CNOT6L: variants seen among roughly 807,000 people sequenced by gnomAD.
CNOT6L encodes CCR4-NOT transcription complex subunit 6-like.
A neutral mutation model predicts 64.0 loss-of-function variants in CNOT6L; 7 were observed. That is an observed-to-expected ratio of 0.11 (90% confidence interval 0.06 to 0.21). The LOEUF is 0.21. Ranked by LOEUF, CNOT6L falls within the 10% of genes least tolerant of loss-of-function variation. The pLI is 1.00. For synonymous variants in CNOT6L, 193 were observed against 243.4 expected (o/e 0.79, Z 1.93); for missense variants, 245 against 669.0 (o/e 0.37, Z 6.99).
At chr4:77,749,799 G>A (rs1724648271) in intron 5 of CNOT6L, among the ~76,000 whole-genome samples, 1 of 152,176 alleles carries the variant, frequency 6.6e-6, no homozygotes, top group South Asian at 2.1e-4. Flanking sequence ...CAGCTGGTAG[G>A]AATATAAATT....
chr4:77,805,600 T>C (rs1421291970), intron 1 of CNOT6L, among the ~76,000 whole-genome samples: 1 of 152,218 alleles, frequency 6.6e-6, no homozygotes, highest in Non-Finnish European at 1.5e-5. Context: ...GTACCAGTAT[T>C]ACAAAATTAT....
At chr4:77,768,088 G>A (rs964163063) in intron 4 of CNOT6L, among the ~76,000 whole-genome samples, 18 of 151,824 alleles carry the variant, frequency 1.2e-4, no homozygotes, top group Admixed American at 3.9e-4. Flanking sequence ...TTTCTGATCC[G>A]GGAAGGGCAA....
At position 77,713,881 on chromosome 4, in the gene CNOT6L, A is replaced by G. The variant is rs1476238610; in HGVS notation, c.*6550T>C. ...GTTAAAACACCTACAGAACCAGTCT[A>G]TTAAACATTAAACACTAGCAAGCTA... is the stretch of plus-strand genomic sequence containing the variant. On this transcript the variant is annotated 3_prime_UTR_variant, in exon 12 of 12. Transcript: ENST00000504123. 6.6e-6 allele frequency: 1 copy of G among 152,650 alleles called. No homozygotes were observed. The highest frequency in any genetic ancestry group is 2.4e-5 in the African/African-American group (1 of 41,460). The allele number at this position is 152,650 out of a possible 1,614,324, so 9.5% of individuals were successfully genotyped here. A position where few individuals can be genotyped will look rare whatever the true frequency, so the allele number is the denominator to read the frequency against.
Position 77,718,156 on chromosome 4 carries a change from T to A in CNOT6L, c.*2275A>T. 1 of 152,382 alleles carries A rather than the reference T, an allele frequency of 6.6e-6. No homozygotes were observed. Among genetic ancestry groups the A allele is most frequent in the Non-Finnish European group, 1.5e-5 (1 of 67,984 alleles). 9.4% of individuals were successfully genotyped at this position (152,382 alleles called of 1,614,324 possible). A position where few individuals can be genotyped will look rare whatever the true frequency, so the allele number is the denominator to read the frequency against. On this transcript the variant is annotated 3_prime_UTR_variant, in exon 12 of 12. Coordinates refer to ENST00000504123, the MANE Select transcript of CNOT6L (RefSeq NM_144571.3). ...CTTTAAATTCCATTTTATACAAACA[T>A]CTCAAAAAATATTGGGAGTGAAGTA...
At chr4:77,760,859 G>GTTTTTTTT (rs1205413604) in intron 4 of CNOT6L, among the ~76,000 whole-genome samples, 3 of 37,170 alleles carry the variant, frequency 8.1e-5, no homozygotes, top group Non-Finnish European at 1.7e-4. Flanking sequence ...ACCATGCCTG[G>GTTTTTTTT]CTTTTTTTTT....
At chr4:77,743,388 T>C (rs979913184) in intron 7 of CNOT6L, among the ~76,000 whole-genome samples, 4 of 152,062 alleles carry the variant, frequency 2.6e-5, no homozygotes, top group Non-Finnish European at 1.5e-5. Flanking sequence ...AGCCTGATTT[T>C]GTTTGCCGCC....
In CNOT6L at chr4:77,723,026, T is replaced by A. The variant is rs111559536; in HGVS notation, c.1456-2383A>T. Among the ~76,000 whole-genome samples, 88 of 152,298 alleles carry A rather than the reference T, an allele frequency of 5.8e-4. 1 individual carries two copies. Among genetic ancestry groups the A allele is most frequent in the African/African-American group, 2.0e-3 (84 of 41,572 alleles). On this transcript the variant is annotated intron_variant, in intron 11 of 11. Transcript: ENST00000504123. ...ACTATGCTAAGCTTTTTTAAAAGAA[T>A]GCCAGAAAATTACAATTTCATAATG...
At chr4:77,722,943 T>C (rs1295749384) in intron 11 of CNOT6L, among the ~76,000 whole-genome samples, 1 of 151,126 alleles carries the variant, frequency 6.6e-6, no homozygotes, top group Non-Finnish European at 1.5e-5. Context: ...TATAAGTCTA[T>C]AGAACTGTAT....
rs781288804 is a variant in CNOT6L, at chr4:77,715,201, A to C, written c.*5230T>G. ...ACTAGGCACCAAACTAGAGCCTCCG[A>C]AAGATTCTGAAAGCTGAATGGACCA... On this transcript the variant is annotated 3_prime_UTR_variant, in exon 12 of 12. Coordinates refer to ENST00000504123, the MANE Select transcript of CNOT6L (RefSeq NM_144571.3). 5.3e-5 allele frequency: 8 copies of C among 152,126 alleles called. No individual in the cohort carries two copies. The highest frequency in any genetic ancestry group is 2.1e-4 in the South Asian group (1 of 4,830). The allele number at this position is 152,126 out of a possible 1,614,324, so 9.4% of individuals were successfully genotyped here.
At chr4:77,755,919 C>CTAA (rs573434606) in intron 5 of CNOT6L, among the ~76,000 whole-genome samples, 192 of 148,500 alleles carry the variant, frequency 1.3e-3, no homozygotes, top group Admixed American at 3.5e-3. Context: ...ATTTTCAGAG[C>CTAA]TTAGGCAAAA....
chr4:77,819,660 C>G (rs2110208890), upstream of CNOT6L: 1 of 150,570 alleles, frequency 6.6e-6, no homozygotes, highest in South Asian at 1.8e-4. Flanking sequence ...GCTGGTGCTG[C>G]GGCGGCGGGG....
At chr4:77,749,025 C>A (rs990516095) in intron 5 of CNOT6L, among the ~76,000 whole-genome samples, 5 of 152,158 alleles carry the variant, frequency 3.3e-5, no homozygotes, top group Admixed American at 2.0e-4. Context: ...CTTTTCCTTT[C>A]AAAATCTTTG....
chr4:77,720,895 CATTAA>C (rs1167319037), intron 11 of CNOT6L, among the ~76,000 whole-genome samples: 3 of 152,122 alleles, frequency 2.0e-5, no homozygotes, highest in South Asian at 2.1e-4. Context: ...AAGCTAAACA[CATTAA>C]ATTATGTCTA....
In CNOT6L at chr4:77,720,575, A is replaced by T; in HGVS notation, c.1524T>A (p.Asp508Glu). The change falls in exon 12 of 12, where the codon GAT becomes GAA. Residue 508 changes from aspartate (D) to glutamate (E), a missense_variant. By Grantham distance (45) the Asp-to-Glu change is conservative. This residue lies in a region of CNOT6L where 20 missense variants were observed against 26.4 expected (regional missense o/e 0.76). Coordinates refer to ENST00000504123, the MANE Select transcript of CNOT6L (RefSeq NM_144571.3). ...MNVLGVLGPL[D>E]PQWLVENNIT... is the part of the protein sequence containing the mutation. Reference sequence around the variant, plus strand: ...TGTTGTTCTCAACCAGCCATTGAGGATCTAAAGGCCCCAGGACACCAAGCA... The same window carrying T: ...TGTTGTTCTCAACCAGCCATTGAGGTTCTAAAGGCCCCAGGACACCAAGCA... 6.2e-7 allele frequency: 1 copy of T among 1,613,440 alleles called. No homozygotes were observed.
intron 1 of CNOT6L, among the ~76,000 whole-genome samples, chr4:77,809,314 G>C (rs940253840): frequency 6.6e-6 from 1 of 152,062 alleles, no homozygotes; most frequent in Non-Finnish European, 1.5e-5. Flanking sequence ...GTACTCAGTA[G>C]TCAAAAAAAT....
intron 4 of CNOT6L, among the ~76,000 whole-genome samples, chr4:77,765,639 G>GA (rs1030286630): frequency 6.6e-6 from 1 of 152,132 alleles, no homozygotes; most frequent in African/African-American, 2.4e-5. Context: ...AACATACACA[G>GA]AAAAATCCTT....
chr4:77,726,288 A>G lies in CNOT6L; in HGVS notation c.1334T>C (p.Met445Thr), dbSNP rs572736871. 1.4e-4 allele frequency: 232 copies of G among 1,613,862 alleles called. No individual in the cohort carries two copies. In the South Asian group the frequency reaches 1.5e-3, roughly 11 times the overall value. The change falls in exon 11 of 12, where the codon ATG (methionine) becomes ACG (threonine). Residue 445 changes from methionine to threonine, a missense_variant. Met to Thr is a moderately conservative substitution (Grantham distance 81). This residue lies in a region of CNOT6L where 20 missense variants were observed against 38.3 expected (regional missense o/e 0.52). Transcript: ENST00000504123. ...FKELRYNECL[M>T]NFSCNGKNGS... Reference sequence around the variant, plus strand: ...ATTCTTTCCATTGCAGCTGAAGTTCATAAGACACTCATTGTACCTTAGTTC... The same window carrying G: ...ATTCTTTCCATTGCAGCTGAAGTTCGTAAGACACTCATTGTACCTTAGTTC...
At chr4:77,749,562 C>T (rs773491932) in intron 5 of CNOT6L, among the ~76,000 whole-genome samples, 11 of 152,158 alleles carry the variant, frequency 7.2e-5, no homozygotes, top group Non-Finnish European at 1.3e-4. Context: ...ATAATATCAA[C>T]ATTTTGGTGC....
At chr4:77,795,951 G>T (rs943698977) in intron 1 of CNOT6L, among the ~76,000 whole-genome samples, 11 of 151,356 alleles carry the variant, frequency 7.3e-5, no homozygotes, top group Middle Eastern at 3.4e-3. Flanking sequence ...ACCTAAGGTG[G>T]TTTTTTTTTA....
Sources: allele counts gnomAD v4.1 joint callset (sites outside exome capture counted in the v4.1 genomes callset), GRCh38; gene constraint gnomAD v4.1.1; regional missense constraint gnomAD v4.1.1; transcripts MANE v1.5; gene names NCBI Gene and HGNC (gene_info 2026-07-23, HGNC 2026-07-21).